Variants in ZNF558 observed in about 807,000 individuals in gnomAD.
ZNF558 encodes zinc finger protein 558.
In ZNF558, 23 loss-of-function variants were observed where a neutral mutation model predicts 37.6. The observed-to-expected ratio is 0.61, with a 90% CI of 0.44 to 0.87. The LOEUF is 0.87. Ranked by LOEUF, ZNF558 falls within the 40% of genes least tolerant of loss-of-function variation. The probability of loss-of-function intolerance (pLI) is 0.00; values close to 1 mark genes in which losing one functional copy is unlikely to be tolerated. For missense variants in ZNF558, 429 were observed against 483.7 expected (o/e 0.89, Z 1.06); for synonymous variants, 189 against 174.4 (o/e 1.08, Z -0.66).
At chr19:8,831,131 T>C (rs1372043403) in intron 2 of ZNF558, 187 bp downstream of exon 2, 1 of 152,258 alleles carries the variant, frequency 6.6e-6, no homozygotes, top group Non-Finnish European at 1.5e-5. Flanking sequence ...CATGTAACTG[T>C]ATTTACTTAT....
At chr19:8,835,501 TAATTAA>T (rs1016452577), upstream of ZNF558, among the ~76,000 whole-genome samples, 3 of 152,238 alleles carry the variant, frequency 2.0e-5, no homozygotes, top group African/African-American at 4.8e-5. Context: ...CCCATTGGGA[TAATTAA>T]AATTAAAAAG....
rs118128745 is a variant in ZNF558 at position 8,818,885 on chromosome 19, T to C, written c.247+2295A>G. Among the ~76,000 whole-genome samples the C allele has an allele frequency of 9.8e-3, 1,486 of 152,302 alleles. 14 individuals carry two copies. Among genetic ancestry groups the C allele is most frequent in the Non-Finnish European group, 0.014 (921 of 68,028 alleles). ...GTATGTAAATAAACTCCAGTGTGTATGGCCACATAATTTTCAATAAGGGTA... is the reference window on the plus strand; with the variant it reads ...GTATGTAAATAAACTCCAGTGTGTACGGCCACATAATTTTCAATAAGGGTA... On this transcript the variant is annotated intron_variant, in intron 7 of 9. Transcript: ENST00000601372.
chr19:8,825,388 T>C (rs1379244534), intron 2 of ZNF558, among the ~76,000 whole-genome samples: 1 of 152,116 alleles, frequency 6.6e-6, no homozygotes, highest in Non-Finnish European at 1.5e-5. Context: ...GCAATTACTT[T>C]TGCAGCAACT....
At position 8,821,987 on chromosome 19, in the gene ZNF558, G is replaced by A. The variant is rs1365758398; in HGVS notation, c.120+16C>T. 3 of 1,613,572 alleles carry A rather than the reference G, an allele frequency of 1.9e-6. No individual in the cohort carries two copies. Among genetic ancestry groups the A allele is most frequent in the Non-Finnish European group, 2.5e-6 (3 of 1,179,736 alleles). On this transcript the variant is annotated intron_variant, in intron 6 of 9. Coordinates refer to ENST00000601372, the MANE Select transcript of ZNF558 (RefSeq NM_144693.3). ...CCAAAGGAATAATGATTTGGGAAAA[G>A]GAACATCTGACTCACCCGTAGCCAG... is the stretch of plus-strand genomic sequence containing the variant.
intron 2 of ZNF558, among the ~76,000 whole-genome samples, chr19:8,829,416 G>A (rs930402829): frequency 6.6e-6 from 1 of 152,192 alleles, no homozygotes; most frequent in African/African-American, 2.4e-5. Context: ...ACCACCAGGT[G>A]AGCAGACCCC....
intron 7 of ZNF558, 63 bp downstream of exon 7, chr19:8,821,117 G>C (rs1218841503): frequency 1.3e-6 from 2 of 1,568,244 alleles, no homozygotes; most frequent in Admixed American, 1.9e-5. Context: ...AAAAAAGTAA[G>C]CAAAGCAGGC....
chr19:8,829,069 C>G (rs1489949520), intron 2 of ZNF558, among the ~76,000 whole-genome samples: 1 of 151,828 alleles, frequency 6.6e-6, no homozygotes, highest in Non-Finnish European at 1.5e-5. Context: ...TAAGACCAGC[C>G]GGGCCAACAT....
At position 8,822,759 on chromosome 19, in the gene ZNF558, C is replaced by G; in HGVS notation, c.-65-35G>C. ...ACGGGAATGCTCCAAGTCTCCGTGGCCTCCTCCCTCTCGGGCTGCTGGGGA... is the reference window on the plus strand; with the variant it reads ...ACGGGAATGCTCCAAGTCTCCGTGGGCTCCTCCCTCTCGGGCTGCTGGGGA... On this transcript the variant is annotated intron_variant, in intron 4 of 9. Transcript: ENST00000601372. The surrounding 1 kb of genome is among the most constrained non-coding windows in gnomAD (Gnocchi z 4.4). 1.9e-6 allele frequency: 3 copies of G among 1,588,766 alleles called. No homozygotes were observed. In the South Asian group the frequency reaches 3.3e-5, roughly 18 times the overall value.
rs2967748 is a variant in ZNF558, at chr19:8,806,560, G to A, written c.*4721C>T. 0.67 allele frequency: 102,161 copies of A among 151,842 alleles called. 34,540 individuals are homozygous for A. The highest frequency in any genetic ancestry group is 0.8 in the South Asian group (3,848 of 4,810). 9.4% of individuals were successfully genotyped at this position (151,842 alleles called of 1,614,324 possible). ...CTAAAAATACAAAAATTAGCTGGGC[G>A]TGGTAGCACACACCTGTAGTCCCAG... On this transcript the variant is annotated 3_prime_UTR_variant, in exon 10 of 10. Coordinates refer to ENST00000601372, the MANE Select transcript of ZNF558 (RefSeq NM_144693.3).
At chr19:8,826,719 G>A (rs2044241405) in intron 2 of ZNF558, among the ~76,000 whole-genome samples, 1 of 152,280 alleles carries the variant, frequency 6.6e-6, no homozygotes, top group East Asian at 1.9e-4. Flanking sequence ...TAGAGGGAAT[G>A]CAGGCCTTCC....
At chr19:8,830,352 C>G (rs2044321512) in intron 2 of ZNF558, among the ~76,000 whole-genome samples, 1 of 152,044 alleles carries the variant, frequency 6.6e-6, no homozygotes, top group East Asian at 1.9e-4. Flanking sequence ...TGAAAAAGGA[C>G]TAATACAGGA....
At position 8,810,735 on chromosome 19, in the gene ZNF558, G is replaced by C. The variant is rs2043764112; in HGVS notation, c.*546C>G. 6.6e-6 allele frequency: 1 copy of C among 152,574 alleles called. No individual in the cohort carries two copies. The highest frequency in any genetic ancestry group is 1.9e-4 in the East Asian group (1 of 5,186). The allele number at this position is 152,574 out of a possible 1,614,324, so 9.5% of individuals were successfully genotyped here. On this transcript the variant is annotated 3_prime_UTR_variant, in exon 10 of 10. Coordinates refer to ENST00000601372, the MANE Select transcript of ZNF558 (RefSeq NM_144693.3). ...CATACCTTCTGCAGTCTCTCACATTGTATCAGGATTGGTGTGTTGTGAGAC... is the reference window on the plus strand; with the variant it reads ...CATACCTTCTGCAGTCTCTCACATTCTATCAGGATTGGTGTGTTGTGAGAC...
At chr19:8,832,668 T>C (rs2044391685), upstream of ZNF558, 1 of 149,226 alleles carries the variant, frequency 6.7e-6, no homozygotes, top group South Asian at 2.1e-4. Context: ...GCGAGGCTGA[T>C]TGGGCAGAGA....
At chr19:8,817,526 G>C (rs1259623290) in intron 7 of ZNF558, among the ~76,000 whole-genome samples, 1 of 126,078 alleles carries the variant, frequency 7.9e-6, no homozygotes, top group Non-Finnish European at 1.7e-5. Context: ...TGAATTAAAT[G>C]CATTTTTGAC....
rs1211461208 is a variant in ZNF558, at chr19:8,809,221, C to T, written c.*2060G>A. ...CTGTCATTGTGGTCAAAAAGAAGCT[C>T]TTCAAACTCTAGACCTTGAGGCCAC... On this transcript the variant is annotated 3_prime_UTR_variant, in exon 10 of 10. Transcript: ENST00000601372. 2.6e-5 allele frequency: 4 copies of T among 152,158 alleles called. No individual in the cohort carries two copies. Among genetic ancestry groups the T allele is most frequent in the African/African-American group, 7.2e-5 (3 of 41,420 alleles). The allele number at this position is 152,158 out of a possible 1,614,324, so 9.4% of individuals were successfully genotyped here.
rs931776540 is a variant in ZNF558, at chr19:8,806,206, A to G, written c.*5075T>C. On this transcript the variant is annotated 3_prime_UTR_variant, in exon 10 of 10. Coordinates refer to ENST00000601372, the MANE Select transcript of ZNF558 (RefSeq NM_144693.3). ...GCATTTTATTTTGGAAAGTTTAGAT[A>G]TACATAAAAGTTGTAAAACTATACA... 1 of 152,180 alleles carries G rather than the reference A, an allele frequency of 6.6e-6. No individual in the cohort carries two copies. Among genetic ancestry groups the G allele is most frequent in the African/African-American group, 2.4e-5 (1 of 41,440 alleles). 9.4% of individuals were successfully genotyped at this position (152,180 alleles called of 1,614,324 possible).
chr19:8,818,760 T>C (rs945471658), intron 7 of ZNF558, among the ~76,000 whole-genome samples: 1 of 152,224 alleles, frequency 6.6e-6, no homozygotes, highest in African/African-American at 2.4e-5. Flanking sequence ...CCAGGAGCAG[T>C]GGCTCATGCC....
intron 2 of ZNF558, among the ~76,000 whole-genome samples, chr19:8,825,370 C>T (rs879565770): frequency 6.6e-6 from 1 of 151,830 alleles, no homozygotes; most frequent in Non-Finnish European, 1.5e-5. Flanking sequence ...CTTTCGATGG[C>T]AAAACCTGCA....
At chr19:8,825,196 G>C (rs1274348892) in intron 2 of ZNF558, 88 bp from the exon 3 acceptor site, 1 of 152,160 alleles carries the variant, frequency 6.6e-6, no homozygotes, top group Non-Finnish European at 1.5e-5. Context: ...CTATCTCAAA[G>C]GTACACAAAT....
Sources: allele counts gnomAD v4.1 joint callset (sites outside exome capture counted in the v4.1 genomes callset), GRCh38; gene constraint gnomAD v4.1.1; non-coding constraint Gnocchi (gnomAD v3.1); transcripts MANE v1.5; gene names NCBI Gene and HGNC (gene_info 2026-07-23, HGNC 2026-07-21).